PTPRD: variants seen among roughly 807,000 people sequenced by gnomAD.
PTPRD encodes the protein protein tyrosine phosphatase receptor type D.
A neutral mutation model predicts 214.5 loss-of-function variants in PTPRD; 34 were observed. The observed-to-expected ratio is 0.16, with a 90% CI of 0.12 to 0.21. The LOEUF (loss-of-function observed/expected upper bound fraction) is 0.21. Ranked by LOEUF, PTPRD falls within the 10% of genes least tolerant of loss-of-function variation. The pLI, the probability that PTPRD is intolerant of heterozygous loss-of-function variation, is 1.00. For missense variants in PTPRD, 2,545 were observed against 2,398.7 expected, an observed-to-expected ratio of 1.06 and a Z score of -1.27; for synonymous variants, 1,128 against 845.7, an observed-to-expected ratio of 1.33 and a Z score of -5.79.
intron 3 of PTPRD, among the ~76,000 whole-genome samples, chr9:10,074,319 T>C: frequency 6.6e-6 from 1 of 152,140 alleles, no homozygotes; most frequent in South Asian, 2.1e-4. Context: ...CAATGCAAAA[T>C]AGCTTGCAGT....
intron 9 of PTPRD, among the ~76,000 whole-genome samples, chr9:9,303,478 G>A (rs1019852410): frequency 1.4e-4 from 22 of 152,084 alleles, no homozygotes; most frequent in African/African-American, 2.9e-4. Flanking sequence ...AAGTTATGCC[G>A]TAATAACAAT....
At chr9:8,552,142 T>C (rs546398322) in intron 14 of PTPRD, among the ~76,000 whole-genome samples, 1 of 152,088 alleles carries the variant, frequency 6.6e-6, no homozygotes, top group South Asian at 2.1e-4. Context: ...CCTTGCACGG[T>C]TTCTAACAGA....
At chr9:8,731,055 G>A (rs929636080) in intron 12 of PTPRD, among the ~76,000 whole-genome samples, 3 of 152,162 alleles carry the variant, frequency 2.0e-5, no homozygotes, top group African/African-American at 7.2e-5. Flanking sequence ...TCTGCTGAGG[G>A]ATATTATCAC....
chr9:9,774,990 C>T (rs1442296515), intron 5 of PTPRD, among the ~76,000 whole-genome samples: 2 of 152,116 alleles, frequency 1.3e-5, no homozygotes, highest in Non-Finnish European at 2.9e-5. Flanking sequence ...GGTTGTACAT[C>T]ATTATCGAAA....
chr9:8,665,830 T>C (rs2097159184), intron 12 of PTPRD, among the ~76,000 whole-genome samples: 1 of 152,214 alleles, frequency 6.6e-6, no homozygotes, highest in Non-Finnish European at 1.5e-5. Context: ...TACTTTACTG[T>C]AACAGTGTCA....
intron 14 of PTPRD, among the ~76,000 whole-genome samples, chr9:8,549,999 A>C (rs900201024): frequency 6.6e-6 from 1 of 152,188 alleles, no homozygotes; most frequent in Non-Finnish European, 1.5e-5. Context: ...ATTAAGACAA[A>C]CATCACTGAT....
At chr9:10,200,781 G>A (rs2099416677) in intron 3 of PTPRD, among the ~76,000 whole-genome samples, 1 of 152,106 alleles carries the variant, frequency 6.6e-6, no homozygotes, top group African/African-American at 2.4e-5. Flanking sequence ...TTTATTGGTA[G>A]AATTTTACCT....
intron 39 of PTPRD, among the ~76,000 whole-genome samples, chr9:8,373,804 T>TTATG (rs778163862): frequency 0.34 from 42,668 of 126,810 alleles, 8,116 homozygotes; most frequent in Non-Finnish European, 0.43. Context: ...ATTTTAAAAA[T>TTATG]TATGTATGTA....
At chr9:10,516,636 A>C (rs1194311448) in intron 2 of PTPRD, among the ~76,000 whole-genome samples, 2 of 151,964 alleles carry the variant, frequency 1.3e-5, no homozygotes, top group African/African-American at 4.8e-5. Flanking sequence ...CATATCCATG[A>C]AATCACTGAC....
chr9:8,816,475 A>T (rs1489566734), intron 11 of PTPRD, among the ~76,000 whole-genome samples: 2 of 152,178 alleles, frequency 1.3e-5, no homozygotes, highest in African/African-American at 4.8e-5. Flanking sequence ...ATGGCAAGCT[A>T]GCAGTATCGT....
Position 9,212,858 on chromosome 9 carries a change from A to G in PTPRD, c.-202-29495T>C, listed in dbSNP as rs796763322. 2.4e-4 allele frequency among the ~76,000 whole-genome samples: 36 copies of G among 152,212 alleles called. 1 individual carries two copies. Among genetic ancestry groups the G allele is most frequent in the African/African-American group, 8.7e-4 (36 of 41,544 alleles). On this transcript the variant is annotated intron_variant, in intron 9 of 45. Coordinates refer to ENST00000381196, the MANE Select transcript of PTPRD (RefSeq NM_002839.4). ...GAGGTGAAAAAAACAAGGGATTAGG[A>G]GTTAGATCTGGGTTTCCTTCTATAG...
chr9:10,497,732 G>A (rs1263915453), intron 2 of PTPRD, among the ~76,000 whole-genome samples: 1 of 151,894 alleles, frequency 6.6e-6, no homozygotes, highest in African/African-American at 2.4e-5. Flanking sequence ...TGAATAATGT[G>A]TGTATATACT....
At chr9:10,158,135 C>T (rs769284174) in intron 3 of PTPRD, among the ~76,000 whole-genome samples, 40 of 152,048 alleles carry the variant, frequency 2.6e-4, no homozygotes, top group South Asian at 1.5e-3. Flanking sequence ...CAGACCCCCG[C>T]TTAACTGGGA....
At chr9:8,489,189 C>T (rs2097098657) in intron 27 of PTPRD, among the ~76,000 whole-genome samples, 1 of 152,146 alleles carries the variant, frequency 6.6e-6, no homozygotes, top group Admixed American at 6.5e-5. Context: ...AAAAAACCCA[C>T]TGACTTTGTA....
chr9:8,931,309 C>T (rs574016706), intron 11 of PTPRD, among the ~76,000 whole-genome samples: 14 of 151,904 alleles, frequency 9.2e-5, no homozygotes, highest in Admixed American at 2.6e-4. Flanking sequence ...CTGTTCTGTT[C>T]CATTGGTCTA....
At chr9:10,353,337 AT>A (rs992382203) in intron 2 of PTPRD, among the ~76,000 whole-genome samples, 1 of 151,958 alleles carries the variant, frequency 6.6e-6, no homozygotes, top group African/African-American at 2.4e-5. Context: ...TAAGGACAAA[AT>A]CTAATGCTTT....
At chr9:9,183,012 C>T (rs72696835) in intron 10 of PTPRD, among the ~76,000 whole-genome samples, 1 of 151,604 alleles carries the variant, frequency 6.6e-6, no homozygotes, top group Non-Finnish European at 1.5e-5. Flanking sequence ...GAAATTTAAC[C>T]GATTGTTAGA....
rs2095869964 is a variant in PTPRD at position 8,623,011 on chromosome 9, G to A, written c.352+10306C>T. ...AAAATACAAAAAAAAAAATTAGCTG[G>A]GCAAGATGACTCATACTATAGTCCC... On this transcript the variant is annotated intron_variant, in intron 14 of 45. Transcript: ENST00000381196. 3.3e-5 allele frequency among the ~76,000 whole-genome samples: 5 copies of A among 151,814 alleles called. No individual in the cohort carries two copies. In the South Asian group the frequency reaches 1.0e-3, roughly 32 times the overall value.
chr9:10,518,766 T>A (rs1157673211), intron 2 of PTPRD, among the ~76,000 whole-genome samples: 1 of 152,030 alleles, frequency 6.6e-6, no homozygotes, highest in Non-Finnish European at 1.5e-5. Context: ...TCTCCTGACC[T>A]CGTGATCTGC....
Sources: gnomAD v4.1 joint callset for allele counts (sites outside exome capture counted in the v4.1 genomes callset) on GRCh38, gnomAD v4.1.1 for gene constraint, MANE v1.5 for transcripts, NCBI Gene and HGNC (gene_info 2026-07-23, HGNC 2026-07-21) for gene names.